DUS2: variants seen among roughly 807,000 people sequenced by gnomAD.
DUS2 encodes the protein dihydrouridine synthase 2.
DUS2 carries 52 observed loss-of-function variants against 71.3 expected under a neutral mutation model. That is an observed-to-expected ratio of 0.73 (90% CI 0.58 to 0.92). The LOEUF is 0.92. Among genes scored for constraint, DUS2 ranks in the 40% least tolerant of loss-of-function variants. DUS2 has a pLI of 0.00. For synonymous variants in DUS2, 204 were observed against 227.8 expected (o/e 0.90, Z 0.94); for missense variants, 558 against 622.6 (o/e 0.90, Z 1.10).
chr16:68,079,061 A>T lies in DUS2; in HGVS notation c.*75A>T. The T allele has an allele frequency of 7.6e-7, 1 of 1,308,520 alleles. No individual in the cohort carries two copies. The highest frequency in any genetic ancestry group is 2.3e-5 in the Admixed American group (1 of 43,330). The allele number at this position is 1,308,520 out of a possible 1,614,324, so 81.1% of individuals were successfully genotyped here. On this transcript the variant is annotated 3_prime_UTR_variant, in exon 17 of 17. Coordinates refer to ENST00000565263, the MANE Select transcript of DUS2 (RefSeq NM_017803.5). The stretch of plus-strand genomic sequence containing the variant: ...CTGTGGATGCCACAGCATGAACCAG[A>T]TGCCGTTGAACAGTTTGCTGGTCTT...
chr16:68,049,367 A>T, intron 3 of DUS2, 138 bp from the exon 4 acceptor site: 1 of 785,694 alleles, frequency 1.3e-6, no homozygotes. Flanking sequence ...GAATAGCACT[A>T]CATGTCCCAA....
chr16:68,027,741 T>C (rs1368851055), intron 2 of DUS2, among the ~76,000 whole-genome samples: 1 of 152,236 alleles, frequency 6.6e-6, no homozygotes, highest in African/African-American at 2.4e-5. Context: ...AGCTCAGAGA[T>C]GCCTTTACCC....
chr16:68,059,969 C>A (rs2033916904), intron 7 of DUS2, among the ~76,000 whole-genome samples: 1 of 152,080 alleles, frequency 6.6e-6, no homozygotes, highest in Admixed American at 6.6e-5. Context: ...GTTTCCATTT[C>A]CTGGGGCTTT....
intron 12 of DUS2, among the ~76,000 whole-genome samples, chr16:68,072,600 G>T (rs2034102155): frequency 1.3e-5 from 2 of 152,214 alleles, no homozygotes; most frequent in South Asian, 4.1e-4. Context: ...CTTGCCACCA[G>T]CCGGGGCGCC....
intron 4 of DUS2, among the ~76,000 whole-genome samples, chr16:68,053,227 C>A (rs1189058842): frequency 6.6e-6 from 1 of 152,230 alleles, no homozygotes; most frequent in Non-Finnish European, 1.5e-5. Flanking sequence ...TCCCAAGGTG[C>A]TGGGATTACA....
intron 10 of DUS2, among the ~76,000 whole-genome samples, chr16:68,066,908 T>C (rs1413623014): frequency 6.6e-6 from 1 of 152,094 alleles, no homozygotes; most frequent in Non-Finnish European, 1.5e-5. Flanking sequence ...GAAACACCTC[T>C]ACTATCAGGA....
intron 10 of DUS2, among the ~76,000 whole-genome samples, chr16:68,068,260 A>T (rs1279425368): frequency 6.6e-6 from 1 of 152,164 alleles, no homozygotes; most frequent in Middle Eastern, 3.2e-3. Flanking sequence ...ACATTTTCAG[A>T]GAAGGGAACC....
chr16:68,050,124 T>TA (rs1256138238), intron 4 of DUS2, among the ~76,000 whole-genome samples: 1 of 152,106 alleles, frequency 6.6e-6, no homozygotes, highest in African/African-American at 2.4e-5. Context: ...TTCTGATACA[T>TA]ACGTATATGC....
intron 8 of DUS2, among the ~76,000 whole-genome samples, chr16:68,064,525 T>G (rs1319264035): frequency 6.6e-6 from 1 of 152,226 alleles, no homozygotes; most frequent in African/African-American, 2.4e-5. Context: ...TCACCAAATG[T>G]CAGAGGATTC....
chr16:68,040,347 T>G (rs751151707), intron 3 of DUS2, among the ~76,000 whole-genome samples: 3 of 152,152 alleles, frequency 2.0e-5, no homozygotes, highest in Non-Finnish European at 4.4e-5. Flanking sequence ...CCTCCCAAAG[T>G]GCTGGGATTA....
chr16:68,028,392 T>G (rs1044627544), intron 2 of DUS2, among the ~76,000 whole-genome samples: 3 of 151,958 alleles, frequency 2.0e-5, no homozygotes, highest in Non-Finnish European at 2.9e-5. Flanking sequence ...TCCCAGCACT[T>G]TGGGAGGCCA....
At chr16:68,046,271 T>C (rs1018757875) in intron 3 of DUS2, among the ~76,000 whole-genome samples, 4 of 152,216 alleles carry the variant, frequency 2.6e-5, no homozygotes, top group Admixed American at 6.5e-5. Flanking sequence ...AATGCTTAGC[T>C]CCTGCTTATA....
At chr16:68,063,123 A>T (rs1224016816) in intron 8 of DUS2, among the ~76,000 whole-genome samples, 1 of 152,262 alleles carries the variant, frequency 6.6e-6, no homozygotes, top group Non-Finnish European at 1.5e-5. Context: ...TCCATGAGGC[A>T]GCAGAGATAC....
intron 10 of DUS2, among the ~76,000 whole-genome samples, chr16:68,069,027 C>T (rs1015741442): frequency 6.6e-6 from 1 of 152,018 alleles, no homozygotes; most frequent in African/African-American, 2.4e-5. Flanking sequence ...TAAAAGTGAC[C>T]ATTGGAGATG....
intron 12 of DUS2, 49 bp downstream of exon 12, chr16:68,071,157 A>T: frequency 6.3e-7 from 1 of 1,595,530 alleles, no homozygotes; most frequent in Non-Finnish European, 8.6e-7. Context: ...TGTCTACCAC[A>T]CTCCTGCAGA....
At chr16:68,061,240 C>T (rs529084625) in intron 8 of DUS2, 127 bp downstream of exon 8, 6 of 979,564 alleles carry the variant, frequency 6.1e-6, no homozygotes, top group African/African-American at 1.6e-5. Context: ...TGAGGCCTAG[C>T]GATTTCCAAA....
chr16:68,036,068 C>T (rs2033521943), intron 2 of DUS2, among the ~76,000 whole-genome samples: 1 of 150,828 alleles, frequency 6.6e-6, no homozygotes, highest in Non-Finnish European at 1.5e-5. Context: ...GCGATCTTGG[C>T]TTATTGCAAC....
intron 3 of DUS2, among the ~76,000 whole-genome samples, chr16:68,041,331 G>A (rs2033622396): frequency 6.6e-6 from 1 of 152,180 alleles, no homozygotes; most frequent in African/African-American, 2.4e-5. Context: ...TTTGAGGAGT[G>A]ATGACAGTTT....
intron 4 of DUS2, among the ~76,000 whole-genome samples, chr16:68,052,703 C>T (rs1056369598): frequency 1.3e-5 from 2 of 150,742 alleles, no homozygotes; most frequent in African/African-American, 2.4e-5. Flanking sequence ...AGTGCAGTGG[C>T]GCGATCTCAG....
Sources: gnomAD v4.1 joint callset for allele counts (sites outside exome capture counted in the v4.1 genomes callset) on GRCh38, gnomAD v4.1.1 for gene constraint, MANE v1.5 for transcripts, NCBI Gene and HGNC (gene_info 2026-07-23, HGNC 2026-07-21) for gene names.